The following ENOX1 variants were observed in gnomAD, a reference collection of about 807,000 sequenced individuals.
ENOX1 encodes the protein candidate growth-related and time keeping constitutive hydroquinone (NADH) oxidase.
A neutral mutation model predicts 82.5 loss-of-function variants in ENOX1; 42 were observed. The ratio of observed to expected loss-of-function variants is 0.51; its 90% CI spans 0.40 to 0.66. The LOEUF (loss-of-function observed/expected upper bound fraction) is 0.66. Ranked by LOEUF, ENOX1 falls within the 30% of genes least tolerant of loss-of-function variation. The pLI, the probability that ENOX1 is intolerant of heterozygous loss-of-function variation, is 0.00. For missense variants in ENOX1, 608 were observed against 811.6 expected, an observed-to-expected ratio of 0.75 and a Z score of 3.05; for synonymous variants, 271 against 282.2, an observed-to-expected ratio of 0.96 and a Z score of 0.40.
chr13:43,217,768 G>C (rs1362317249), intron 16 of ENOX1, among the ~76,000 whole-genome samples: 1 of 152,162 alleles, frequency 6.6e-6, no homozygotes, highest in South Asian at 2.1e-4. Context: ...GAAACACAGG[G>C]AATGCCCTGA....
chr13:43,330,154 A>T (rs1232435413), intron 9 of ENOX1, among the ~76,000 whole-genome samples: 1 of 152,262 alleles, frequency 6.6e-6, no homozygotes, highest in Non-Finnish European at 1.5e-5. Context: ...CTCTATCTAT[A>T]TACAATAAAA....
chr13:43,429,156 T>C (rs2055509907), intron 3 of ENOX1, among the ~76,000 whole-genome samples: 1 of 152,158 alleles, frequency 6.6e-6, no homozygotes, highest in South Asian at 2.1e-4. Context: ...TTCCTGAGCT[T>C]TTCCACTTGA....
At chr13:43,384,811 G>A (rs532751931) in intron 5 of ENOX1, among the ~76,000 whole-genome samples, 1 of 152,284 alleles carries the variant, frequency 6.6e-6, no homozygotes, top group South Asian at 2.1e-4. Context: ...GGTGAAACTT[G>A]TCACACCTGA....
Position 43,380,986 on chromosome 13 carries a change from A to G in ENOX1, c.209-19534T>C, listed in dbSNP as rs2052003211. Among the ~76,000 whole-genome samples, 4 of 151,838 alleles carry G rather than the reference A, an allele frequency of 2.6e-5. 1 individual carries two copies. The highest frequency in any genetic ancestry group is 2.6e-4 in the Admixed American group (4 of 15,250). On this transcript the variant is annotated intron_variant, in intron 5 of 16. Transcript: ENST00000690772. Reference sequence around the variant, plus strand: ...CAGAAATTTCAACAACCCTCTCTTAATAATTGCTAGAACAAGTACATAGAA... The same window carrying G: ...CAGAAATTTCAACAACCCTCTCTTAGTAATTGCTAGAACAAGTACATAGAA...
chr13:43,538,221 T>G (rs2153692348), intron 2 of ENOX1, among the ~76,000 whole-genome samples: 1 of 152,236 alleles, frequency 6.6e-6, no homozygotes. Context: ...ATAAAATATT[T>G]CCTTCATTTC....
At chr13:43,251,973 C>T (rs2043484013) in intron 14 of ENOX1, among the ~76,000 whole-genome samples, 1 of 151,972 alleles carries the variant, frequency 6.6e-6, no homozygotes, top group Non-Finnish European at 1.5e-5. Context: ...AGTGAGGGGA[C>T]AGAGAATTAT....
intron 3 of ENOX1, among the ~76,000 whole-genome samples, chr13:43,443,296 T>C (rs1028451870): frequency 2.0e-5 from 3 of 152,174 alleles, no homozygotes; most frequent in Non-Finnish European, 4.4e-5. Flanking sequence ...TAGTAATATA[T>C]GGCTAATTTT....
chr13:43,464,452 G>A (rs2057630824), intron 3 of ENOX1, among the ~76,000 whole-genome samples: 1 of 152,046 alleles, frequency 6.6e-6, no homozygotes, highest in Admixed American at 6.6e-5. Context: ...GAGGCAGCCT[G>A]GAAGGGAGTG....
intron 1 of ENOX1, among the ~76,000 whole-genome samples, chr13:43,746,260 T>C (rs1389122061): frequency 6.6e-6 from 1 of 152,146 alleles, no homozygotes; most frequent in African/African-American, 2.4e-5. Flanking sequence ...ATATTTTTTA[T>C]ATTAATGTAT....
rs1024790459 is a variant in ENOX1 at position 43,774,126 on chromosome 13, C to A, written c.-285+12526G>T. ...TTTGTGATGCTTGATAGAATCAAGT[C>A]TCTAATGCCCAAGAAAATTCCACTT... On this transcript the variant is annotated intron_variant, in intron 1 of 16. Coordinates refer to ENST00000690772, the MANE Select transcript of ENOX1 (RefSeq NM_001347969.2). Among the ~76,000 whole-genome samples, 3 of 152,304 alleles carry A rather than the reference C, an allele frequency of 2.0e-5. No homozygotes were observed. The Middle Eastern group carries it at 0.01, about 518-fold the overall frequency.
chr13:43,503,354 G>A (rs2077044835), intron 2 of ENOX1, among the ~76,000 whole-genome samples: 1 of 151,604 alleles, frequency 6.6e-6, no homozygotes, highest in South Asian at 2.1e-4. Context: ...CAGAATCCCA[G>A]TGGCATTTTT....
chr13:43,474,616 C>A (rs2058204546), intron 3 of ENOX1, among the ~76,000 whole-genome samples: 1 of 151,616 alleles, frequency 6.6e-6, no homozygotes, highest in Non-Finnish European at 1.5e-5. Context: ...AACGAAGTTG[C>A]TGATTCCTCT....
At chr13:43,338,938 G>A (rs1044900160) in intron 9 of ENOX1, among the ~76,000 whole-genome samples, 2 of 152,238 alleles carry the variant, frequency 1.3e-5, no homozygotes, top group South Asian at 4.1e-4. Flanking sequence ...GCCCGCCTTG[G>A]CCTCCCAAAG....
chr13:43,437,946 T>C (rs1263759637), intron 3 of ENOX1, among the ~76,000 whole-genome samples: 2 of 152,234 alleles, frequency 1.3e-5, no homozygotes, highest in East Asian at 1.9e-4. Context: ...CAAGGTTAAA[T>C]AGAGGAAAAA....
intron 15 of ENOX1, among the ~76,000 whole-genome samples, chr13:43,232,152 T>C (rs1009859647): frequency 6.7e-6 from 1 of 149,246 alleles, no homozygotes; most frequent in Non-Finnish European, 1.5e-5. Flanking sequence ...TAGGCTGGTC[T>C]TGAACTCCTG....
At chr13:43,395,044 C>G (rs942736904) in intron 5 of ENOX1, among the ~76,000 whole-genome samples, 1 of 152,030 alleles carries the variant, frequency 6.6e-6, no homozygotes, top group Non-Finnish European at 1.5e-5. Flanking sequence ...CTGCCATGAG[C>G]ATGGGAATAG....
intron 2 of ENOX1, among the ~76,000 whole-genome samples, chr13:43,636,460 G>T (rs1324942579): frequency 2.0e-5 from 3 of 152,106 alleles, no homozygotes. Context: ...ACCTTACAGG[G>T]TCTTGATTTT....
chr13:43,722,668 A>G (rs2088659761), intron 1 of ENOX1, among the ~76,000 whole-genome samples: 2 of 152,210 alleles, frequency 1.3e-5, no homozygotes, highest in African/African-American at 4.8e-5. Flanking sequence ...TTTTAAAATC[A>G]TAACAAATCC....
At chr13:43,417,655 C>T (rs956609814) in intron 3 of ENOX1, among the ~76,000 whole-genome samples, 2 of 152,142 alleles carry the variant, frequency 1.3e-5, no homozygotes, top group Non-Finnish European at 2.9e-5. Context: ...TTTATTTACA[C>T]ACAGAGATGT....
Sources: gnomAD v4.1 joint callset for allele counts (sites outside exome capture counted in the v4.1 genomes callset) on GRCh38, gnomAD v4.1.1 for gene constraint, MANE v1.5 for transcripts, NCBI Gene and HGNC (gene_info 2026-07-23, HGNC 2026-07-21) for gene names.